Variants in CCDC171 observed in about 807,000 individuals in gnomAD.
CCDC171 encodes the protein coiled-coil domain-containing protein 171.
A neutral mutation model predicts 168.2 loss-of-function variants in CCDC171; 177 were observed. The observed-to-expected ratio is 1.05, with a 90% CI of 0.93 to 1.19. The LOEUF is 1.19. Ranked by LOEUF, CCDC171 falls within the 50% of genes most tolerant of loss-of-function variation. CCDC171 has a pLI of 0.00. For missense variants in CCDC171, 1,991 were observed against 1,539.0 expected, an observed-to-expected ratio of 1.29 and a Z score of -4.91; for synonymous variants, 687 against 540.8, an observed-to-expected ratio of 1.27 and a Z score of -3.75.
At chr9:15,992,908 T>A (rs4741555) in intron 3 of CCDC171, among the ~76,000 whole-genome samples, 150,415 of 152,242 alleles carry the variant, frequency 0.99, 74,329 homozygotes, top group Middle Eastern at 1. Context: ...GACCTCTTCA[T>A]GGAGAATTAC....
intron 24 of CCDC171, chr9:15,883,257 G>T (rs563543367): frequency 2.5e-5 from 4 of 159,946 alleles, no homozygotes; most frequent in Non-Finnish European, 5.5e-5. Context: ...ACACAGTCTC[G>T]CTATGCTGCC....
intron 24 of CCDC171, among the ~76,000 whole-genome samples, chr9:15,877,094 A>G (rs953795949): frequency 6.6e-6 from 1 of 152,162 alleles, no homozygotes; most frequent in African/African-American, 2.4e-5. Context: ...CTGGAAGAGC[A>G]TGTGACTGAT....
the CCDC171 span, among the ~76,000 whole-genome samples, chr9:16,099,478 G>A: frequency 6.6e-6 from 1 of 152,332 alleles, no homozygotes; most frequent in African/African-American, 2.4e-5. Flanking sequence ...ACCTGAAGAC[G>A]AATCAGCTGT....
rs756209911 is a variant in CCDC171, at chr9:15,666,175, G to T, written c.928G>T (p.Asp310Tyr). The change falls in exon 9 of 26, where the codon GAC (aspartate) becomes TAC (tyrosine). Residue 310 changes from aspartate (D) to tyrosine (Y), a missense_variant. Transcript: ENST00000380701. ...TGTCGTCCGGTAGTTACGGATTCGA[G>T]ACCTTGAAGGAGCTTTGCAAGTAGA... Reference protein sequence around the residue: ...NSEIIQLRIRDLEGALQVEKA... With the variant: ...NSEIIQLRIRYLEGALQVEKA... 2 of 1,613,420 alleles carry T rather than the reference G, an allele frequency of 1.2e-6. No homozygotes were observed. The highest frequency in any genetic ancestry group is 4.5e-5 in the East Asian group (2 of 44,842).
At chr9:15,912,462 G>T (rs867450613) in intron 24 of CCDC171, among the ~76,000 whole-genome samples, 1 of 152,048 alleles carries the variant, frequency 6.6e-6, no homozygotes, top group Non-Finnish European at 1.5e-5. Context: ...AGACGATGGG[G>T]TTTTTTTAAT....
intron 21 of CCDC171, among the ~76,000 whole-genome samples, chr9:15,809,699 C>G (rs183873039): frequency 1.3e-5 from 2 of 152,098 alleles, no homozygotes; most frequent in East Asian, 1.9e-4. Context: ...TGCAGACCTT[C>G]GTGGTGAGTG....
At chr9:15,569,846 C>CAACA (rs2040071277) in intron 2 of CCDC171, among the ~76,000 whole-genome samples, 1 of 139,726 alleles carries the variant, frequency 7.2e-6, no homozygotes, top group African/African-American at 2.7e-5. Flanking sequence ...AACAAACAAA[C>CAACA]AAAAAAAAAA....
chr9:15,744,794 T>C lies in CCDC171; in HGVS notation c.2554+17T>C. On this transcript the variant is annotated intron_variant, in intron 17 of 25. Transcript: ENST00000380701. ...AATTTCCAAGTAAGATAATTTCTGCTTTTAAAAATATAAGTTGCATGTAAG... is the reference window on the plus strand; with the variant it reads ...AATTTCCAAGTAAGATAATTTCTGCCTTTAAAAATATAAGTTGCATGTAAG... 6.3e-7 allele frequency: 1 copy of C among 1,599,760 alleles called. No homozygotes were observed. Among genetic ancestry groups the C allele is most frequent in the Non-Finnish European group, 8.5e-7 (1 of 1,173,512 alleles).
chr9:15,904,947 G>C (rs1208223356), intron 24 of CCDC171, among the ~76,000 whole-genome samples: 1 of 151,844 alleles, frequency 6.6e-6, no homozygotes, highest in African/African-American at 2.4e-5. Flanking sequence ...AATGGTAAAG[G>C]GATCAATTCA....
chr9:15,812,043 A>T (rs1723070238), intron 21 of CCDC171, among the ~76,000 whole-genome samples: 1 of 151,832 alleles, frequency 6.6e-6, no homozygotes, highest in Middle Eastern at 3.4e-3. Flanking sequence ...GGAAACAATA[A>T]TATGTCTTGG....
intron 21 of CCDC171, among the ~76,000 whole-genome samples, chr9:15,811,485 G>A (rs911354133): frequency 2.0e-5 from 3 of 151,970 alleles, no homozygotes; most frequent in Non-Finnish European, 2.9e-5. Context: ...AATATCTTTA[G>A]TGGTACCAGA....
chr9:15,863,932 G>A (rs921876951), intron 23 of CCDC171, among the ~76,000 whole-genome samples: 1 of 152,034 alleles, frequency 6.6e-6, no homozygotes, highest in Non-Finnish European at 1.5e-5. Flanking sequence ...TGTAAAGTCT[G>A]AACTGATTTT....
intron 8 of CCDC171, among the ~76,000 whole-genome samples, chr9:15,664,115 G>T (rs1032577928): frequency 6.6e-6 from 1 of 152,116 alleles, no homozygotes; most frequent in East Asian, 1.9e-4. Context: ...AAAAGGGTGG[G>T]ATGCTGGAAA....
intron 11 of CCDC171, among the ~76,000 whole-genome samples, chr9:15,719,439 A>G (rs925376201): frequency 7.6e-6 from 1 of 131,184 alleles, no homozygotes; most frequent in African/African-American, 3.5e-5. Context: ...AGAGAGAGAG[A>G]GAGAGAGAAA....
At chr9:15,975,838 G>A (rs779208202), downstream of CCDC171, among the ~76,000 whole-genome samples, 5 of 152,130 alleles carry the variant, frequency 3.3e-5, no homozygotes, top group South Asian at 4.1e-4. Context: ...GAATGTTACC[G>A]TCTACGGCAA....
chr9:15,888,142 C>T (rs936444991), intron 24 of CCDC171: 1 of 152,106 alleles, frequency 6.6e-6, no homozygotes, highest in African/African-American at 2.4e-5. Context: ...TGTTTCTTTT[C>T]TTGCTGATTA....
chr9:15,557,640 G>C lies in CCDC171; in HGVS notation c.-112+4338G>C, dbSNP rs867352665. Reference sequence around the variant, plus strand: ...TATCAGCTTAAGGAGATTTTGTGCTGAGACGATGGGGTTTTCTAAATATAC... The same window carrying C: ...TATCAGCTTAAGGAGATTTTGTGCTCAGACGATGGGGTTTTCTAAATATAC... On this transcript the variant is annotated intron_variant, in intron 1 of 25. Transcript: ENST00000380701. Among the ~76,000 whole-genome samples the C allele has an allele frequency of 2.1e-4, 32 of 152,274 alleles. 1 individual carries two copies. The highest frequency in any genetic ancestry group is 1.9e-3 in the South Asian group (9 of 4,830).
chr9:15,694,687 A>C (rs143265509), intron 10 of CCDC171, among the ~76,000 whole-genome samples: 1 of 152,294 alleles, frequency 6.6e-6, no homozygotes, highest in African/African-American at 2.4e-5. Context: ...GTCTAACCCA[A>C]TGCAGTTTTA....
chr9:16,078,514 T>G, the CCDC171 span, among the ~76,000 whole-genome samples: 1 of 152,216 alleles, frequency 6.6e-6, no homozygotes, highest in Non-Finnish European at 1.5e-5. Context: ...CCACTTGGCC[T>G]CTGCTGATGG....
Sources: allele counts gnomAD v4.1 joint callset (sites outside exome capture counted in the v4.1 genomes callset), GRCh38; gene constraint gnomAD v4.1.1; transcripts MANE v1.5; gene names NCBI Gene and HGNC (gene_info 2026-07-23, HGNC 2026-07-21).